Variants in KCNC4 observed in about 807,000 individuals in gnomAD.
KCNC4 encodes the protein potassium voltage-gated channel subfamily C member 4.
Under a neutral mutation model 42.8 loss-of-function variants are expected in KCNC4, and 23 were observed. The ratio of observed to expected loss-of-function variants is 0.54; its 90% confidence interval spans 0.39 to 0.76. The LOEUF (loss-of-function observed/expected upper bound fraction) is 0.76. KCNC4 is among the 30% of genes least tolerant of loss of function. The probability of loss-of-function intolerance (pLI) is 0.00; values close to 1 mark genes in which losing one functional copy is unlikely to be tolerated. For missense variants in KCNC4, 751 were observed against 898.2 expected (o/e 0.84, Z 2.10); for synonymous variants, 422 against 393.5 (o/e 1.07, Z -0.86).
Position 110,223,598 on chromosome 1 carries a change from G to A in KCNC4, c.1313G>A (p.Gly438Asp). 6.2e-7 allele frequency: 1 copy of A among 1,614,036 alleles called. No individual in the cohort carries two copies. ...WWAVVTMTTLGYGDMYPKTWS... is the reference protein window; with the variant it reads ...WWAVVTMTTLDYGDMYPKTWS... ...GCTGTGGTCACCATGACGACACTGG[G>A]CTACGGAGACATGTACCCCAAGACG... The change falls in exon 2 of 4, where the codon GGC becomes GAC. Residue 438 changes from glycine to aspartate, a missense_variant. By Grantham distance (94) the Gly-to-Asp change is moderately conservative. This residue lies in a region of KCNC4 where 185 missense variants were observed against 293.7 expected (regional missense o/e 0.63). Coordinates refer to ENST00000438661, the MANE Select transcript of KCNC4 (RefSeq NM_001039574.3). This position sits in a 1 kb window ranked among gnomAD's most constrained non-coding sequence, Gnocchi z 7.5.
In KCNC4 at chr1:110,216,027, C is replaced by T. The variant is rs930517731; in HGVS notation, c.678+3850C>T. On this transcript the variant is annotated intron_variant, in intron 1 of 3. Coordinates refer to ENST00000438661, the MANE Select transcript of KCNC4 (RefSeq NM_001039574.3). ...TGGTCAAGGATAACCTCTCTTCTCA[C>T]TGTGGGATTTCCATAGGAAAAATGA... Among the ~76,000 whole-genome samples, 29 of 152,214 alleles carry T rather than the reference C, an allele frequency of 1.9e-4. 1 individual carries two copies. Among genetic ancestry groups the T allele is most frequent in the Middle Eastern group, 3.2e-3 (1 of 314 alleles).
At chr1:110,243,894 A>G (rs1659086051) in exon 4 of KCNC4, 1 of 152,208 alleles carries the variant, frequency 6.6e-6, no homozygotes, top group South Asian at 2.1e-4. Context: ...GAAGTGGCTC[A>G]TTTCACTCTG....
chr1:110,219,587 T>C (rs1657981612), intron 1 of KCNC4: 1 of 152,158 alleles, frequency 6.6e-6, no homozygotes. Flanking sequence ...CTCTGTAGGA[T>C]GGCAGGATGG....
chr1:110,211,470 G>A lies in KCNC4; in HGVS notation c.-30G>A, dbSNP rs1295225771. ...GAAGGGTGTTTGGAGGGCAGCGGCC[G>A]CCCCAAGCCGGAGCCCCGCAGCGCT... is the stretch of plus-strand genomic sequence containing the variant. On this transcript the variant is annotated 5_prime_UTR_variant, in exon 1 of 4. Transcript: ENST00000438661. The surrounding 1 kb of genome is among the most constrained non-coding windows in gnomAD (Gnocchi z 6.5). 1 of 1,584,102 alleles carries A rather than the reference G, an allele frequency of 6.3e-7. No individual in the cohort carries two copies. The highest frequency in any genetic ancestry group is 8.6e-7 in the Non-Finnish European group (1 of 1,160,978).
chr1:110,277,477 C>G (rs1659745188), intron 1 of KCNC4, among the ~76,000 whole-genome samples: 1 of 152,156 alleles, frequency 6.6e-6, no homozygotes, highest in Non-Finnish European at 1.5e-5. Context: ...CATCTGCTAC[C>G]AACCTTGGAG....
chr1:110,222,690 C>G, intron 1 of KCNC4: 2 of 429,028 alleles, frequency 4.7e-6, no homozygotes, highest in Non-Finnish European at 8.5e-6. Context: ...CTATCAAAGG[C>G]AGGTCTAGCA....
intron 3 of KCNC4, among the ~76,000 whole-genome samples, chr1:110,230,918 T>A (rs1658661104): frequency 1.3e-5 from 2 of 152,232 alleles, no homozygotes; most frequent in South Asian, 4.1e-4. Flanking sequence ...CACCCAGGCC[T>A]TGAGCCTCCC....
chr1:110,272,507 A>T (rs976338225), intron 1 of KCNC4: 3 of 152,246 alleles, frequency 2.0e-5, no homozygotes, highest in African/African-American at 7.2e-5. Flanking sequence ...GAGGGCTTGG[A>T]TGGCTATGAA....
At chr1:110,281,556 A>ACACG (rs1491292344) in intron 1 of KCNC4, among the ~76,000 whole-genome samples, 4 of 30,780 alleles carry the variant, frequency 1.3e-4, no homozygotes, top group African/African-American at 3.1e-4. Context: ...ATATGTAAAA[A>ACACG]CACACACACA....
intron 1 of KCNC4, 42 bp from the exon 2 acceptor site, chr1:110,222,922 C>T (rs763351452): frequency 6.7e-7 from 1 of 1,495,198 alleles, no homozygotes; most frequent in East Asian, 2.3e-5. Context: ...CCCATCCATC[C>T]CTGTCTGACA....
chr1:110,235,802 A>G (rs1658892676), downstream of KCNC4: 2 of 152,268 alleles, frequency 1.3e-5, no homozygotes, highest in African/African-American at 4.8e-5. Flanking sequence ...GTTTAAAAGA[A>G]TAAGACAGAC....
chr1:110,211,322 C>T lies in KCNC4; in HGVS notation c.-178C>T. The T allele has an allele frequency of 5.5e-6, 5 of 915,270 alleles. No homozygotes were observed. The highest frequency in any genetic ancestry group is 6.4e-6 in the Non-Finnish European group (4 of 624,450). 56.7% of individuals were successfully genotyped at this position (915,270 alleles called of 1,614,324 possible). A position where few individuals can be genotyped will look rare whatever the true frequency, so the allele number is the denominator to read the frequency against. Reference sequence around the variant, plus strand: ...CCACCTGTGTACCGGAGAAATCCAACTCCTCCCGCTCCGCGTCCTAGGGGG... The same window carrying T: ...CCACCTGTGTACCGGAGAAATCCAATTCCTCCCGCTCCGCGTCCTAGGGGG... On this transcript the variant is annotated 5_prime_UTR_variant, in exon 1 of 4. Coordinates refer to ENST00000438661, the MANE Select transcript of KCNC4 (RefSeq NM_001039574.3). This position sits in a 1 kb window ranked among gnomAD's most constrained non-coding sequence, Gnocchi z 6.5.
At chr1:110,266,845 G>A (rs546421663) in intron 1 of KCNC4, among the ~76,000 whole-genome samples, 66 of 152,260 alleles carry the variant, frequency 4.3e-4, no homozygotes, top group African/African-American at 1.5e-3. Flanking sequence ...CGAGGACCCC[G>A]TGCCTTGATG....
At chr1:110,265,248 G>T (rs1259963421) in intron 1 of KCNC4, among the ~76,000 whole-genome samples, 4 of 151,946 alleles carry the variant, frequency 2.6e-5, no homozygotes, top group East Asian at 1.9e-4. Flanking sequence ...TAGTGTTCAG[G>T]TTCTTCCTAG....
rs561843443 is a variant in KCNC4 at position 110,277,332 on chromosome 1, C to T, written n.31-5202C>T. On this transcript the variant is annotated intron_variant and non_coding_transcript_variant, in intron 1 of 2. Coordinates refer to the KCNC4 transcript ENST00000412512. ...ATTCCCTGTGTCACTTTTAATGCCA[C>T]GGGCAACTCTGGGCTCTAACAAATT... is the stretch of plus-strand genomic sequence containing the variant. Among the ~76,000 whole-genome samples the T allele has an allele frequency of 1.4e-4, 22 of 152,308 alleles. No individual in the cohort carries two copies. The South Asian group carries it at 2.5e-3, about 17-fold the overall frequency.
chr1:110,276,584 C>T (rs568684201), intron 1 of KCNC4, among the ~76,000 whole-genome samples: 4 of 152,126 alleles, frequency 2.6e-5, no homozygotes, highest in Non-Finnish European at 5.9e-5. Flanking sequence ...ATAAACCAAC[C>T]TCCTGTGCCC....
intron 1 of KCNC4, among the ~76,000 whole-genome samples, chr1:110,277,168 A>G (rs1659740799): frequency 6.6e-6 from 1 of 152,258 alleles, no homozygotes; most frequent in Admixed American, 6.5e-5. Context: ...TGAAGTCAAG[A>G]AAGAACACAC....
intron 1 of KCNC4, among the ~76,000 whole-genome samples, chr1:110,217,622 C>T (rs998781959): frequency 2.0e-5 from 3 of 152,130 alleles, no homozygotes; most frequent in Admixed American, 2.0e-4. Flanking sequence ...TTCTGGGCAA[C>T]CCAGAGGCCC....
chr1:110,226,053 C>T lies in KCNC4; in HGVS notation c.1694C>T (p.Ser565Phe), dbSNP rs1435301375. 3 of 1,614,046 alleles carry T rather than the reference C, an allele frequency of 1.9e-6. No individual in the cohort carries two copies. Among genetic ancestry groups the T allele is most frequent in the Admixed American group, 3.3e-5 (2 of 60,026 alleles). Residue 565 changes from serine (S) to phenylalanine (F), a missense_variant, in exon 3 of 4, where the codon TCC (serine) becomes TTC (phenylalanine). By Grantham distance (155) the Ser-to-Phe change is radical. Coordinates refer to ENST00000438661, the MANE Select transcript of KCNC4 (RefSeq NM_001039574.3). ...GAGLTQPLAS[S>F]PTPEERRALR... ...GGCCTCACCCAACCCCTGGCCTCCT[C>T]CCCGACCCCCGAGGAGCGCCGGGCC...
Sources: allele counts gnomAD v4.1 joint callset (sites outside exome capture counted in the v4.1 genomes callset), GRCh38; gene constraint gnomAD v4.1.1; regional missense constraint gnomAD v4.1.1; non-coding constraint Gnocchi (gnomAD v3.1); transcripts MANE v1.5; gene names NCBI Gene and HGNC (gene_info 2026-07-23, HGNC 2026-07-21).